Variants in GK observed in about 807,000 individuals in gnomAD.
GK encodes the protein ATP:glycerol 3-phosphotransferase.
GK carries 9 observed loss-of-function variants against 56.4 expected under a neutral mutation model. The ratio of observed to expected loss-of-function variants is 0.16; its 90% confidence interval spans 0.10 to 0.28. GK has a LOEUF of 0.28. Ranked by LOEUF, GK falls within the 10% of genes least tolerant of loss-of-function variation. The probability of loss-of-function intolerance (pLI) is 1.00; values close to 1 mark genes in which losing one functional copy is unlikely to be tolerated. For missense variants in GK, 161 were observed against 431.4 expected (o/e 0.37, Z 5.55); for synonymous variants, 104 against 144.1 (o/e 0.72, Z 1.99).
intron 4 of GK, chrX:30,677,843 A>G (rs1601892310): frequency 9.3e-6 from 3 of 323,898 alleles, no homozygotes; most frequent in East Asian, 1.0e-4. Context: ...AAAAAGAAAG[A>G]AAAAAAAAAA....
chrX:30,667,329 T>C (rs1490111984), intron 2 of GK, among the ~76,000 whole-genome samples: 1 of 111,051 alleles, frequency 9.0e-6, no homozygotes, highest in Non-Finnish European at 1.9e-5. Flanking sequence ...ATTTCTACTT[T>C]TGGACTTCCT....
intron 4 of GK, among the ~76,000 whole-genome samples, chrX:30,689,177 C>T (rs1384071769): frequency 8.9e-6 from 1 of 112,076 alleles, no homozygotes; most frequent in Non-Finnish European, 1.9e-5. Context: ...GTTAATTTTA[C>T]CTATCATAGA....
In GK at chrX:30,676,086, A is replaced by G. The variant is rs1322822732; in HGVS notation, c.260-1289A>G. On this transcript the variant is annotated intron_variant, in intron 3 of 20. Coordinates refer to ENST00000427190, the MANE Select transcript of GK (RefSeq NM_001205019.2). ...GATTACAGGTGCAAGCCACCACGCC[A>G]GGCCATCTGGCTAATTTTTAAAAAT... 7.2e-5 allele frequency among the ~76,000 whole-genome samples: 8 copies of G among 111,787 alleles called. No homozygotes were observed. The East Asian group carries it at 8.5e-4, about 12-fold the overall frequency.
rs1378367129 is a variant in GK, at chrX:30,699,309, T to TACAACATGTTATAC, written c.748-1104_748-1103insCAACATGTTATACA. On this transcript the variant is annotated intron_variant, in intron 9 of 20. Coordinates refer to ENST00000427190, the MANE Select transcript of GK (RefSeq NM_001205019.2). ...ACATGTTATACATAACATGTATATATATAACATGTTATATATATATATACA... is the reference window on the plus strand; with the variant it reads ...ACATGTTATACATAACATGTATATATACAACATGTTATACATAACATGTTATATATATATATACA... Among the ~76,000 whole-genome samples the TACAACATGTTATAC allele has an allele frequency of 4.1e-4, 22 of 53,366 alleles. No individual in the cohort carries two copies. In the South Asian group the frequency reaches 6.9e-3, roughly 17 times the overall value. The allele number at this position is 53,366 out of a possible 115,157, so 46.3% of individuals were successfully genotyped here.
intron 3 of GK, among the ~76,000 whole-genome samples, chrX:30,671,305 A>C (rs753567331): frequency 1.3e-4 from 14 of 108,423 alleles, no homozygotes; most frequent in South Asian, 7.9e-4. Context: ...AAAAAAAAAA[A>C]AAAAAAAAAA....
intron 4 of GK, chrX:30,687,585 C>T (rs1233988557): frequency 5.9e-6 from 2 of 340,134 alleles, no homozygotes; most frequent in Non-Finnish European, 1.2e-5. Context: ...TTCCCTCTGG[C>T]TCTTCAGTTC....
intron 9 of GK, among the ~76,000 whole-genome samples, chrX:30,699,205 T>TTA (rs1935430408): frequency 2.0e-5 from 2 of 101,313 alleles, no homozygotes; most frequent in East Asian, 3.0e-4. Flanking sequence ...TATATATATG[T>TTA]TATATATATA....
intron 19 of GK, among the ~76,000 whole-genome samples, chrX:30,726,216 T>C (rs1178488673): frequency 8.9e-6 from 1 of 111,997 alleles, no homozygotes; most frequent in East Asian, 2.8e-4. Flanking sequence ...ATTTGATCTT[T>C]TGAGAGTTTT....
At chrX:30,660,470 G>A (rs916052117) in intron 1 of GK, among the ~76,000 whole-genome samples, 2 of 110,711 alleles carry the variant, frequency 1.8e-5, no homozygotes, top group African/African-American at 6.6e-5. Context: ...TATTAGTGGT[G>A]GTGGGAGTAG....
At chrX:30,702,529 C>T (rs1201934990) in intron 11 of GK, among the ~76,000 whole-genome samples, 1 of 111,927 alleles carries the variant, frequency 8.9e-6, no homozygotes, top group Non-Finnish European at 1.9e-5. Flanking sequence ...CATATAGATC[C>T]TATTATTCCC....
chrX:30,706,642 C>T (rs1195017122), intron 11 of GK, among the ~76,000 whole-genome samples: 3 of 112,432 alleles, frequency 2.7e-5, no homozygotes, highest in Non-Finnish European at 3.8e-5. Flanking sequence ...GCCAGACTTG[C>T]TGCAGAATCC....
Position 30,718,529 on chromosome X carries a change from T to C in GK, c.976-9T>C. The stretch of plus-strand genomic sequence containing the variant: ...ATATATTCTGTCTTGAATTCCTTTT[T>C]TTCTTTAGGGTTCTGTAGCTATAGC... On this transcript the variant is annotated splice_polypyrimidine_tract_variant and intron_variant, in intron 13 of 20. Transcript: ENST00000427190. 1.7e-6 allele frequency: 2 copies of C among 1,159,774 alleles called. No individual in the cohort carries two copies. Among genetic ancestry groups the C allele is most frequent in the South Asian group, 1.8e-5 (1 of 55,775 alleles).
At chrX:30,722,401 A>G (rs1383792972) in intron 18 of GK, among the ~76,000 whole-genome samples, 1 of 112,128 alleles carries the variant, frequency 8.9e-6, no homozygotes, top group African/African-American at 3.2e-5. Flanking sequence ...GAGCGGGTAT[A>G]TGGCCTCTAA....
intron 8 of GK, 38 bp from the exon 9 acceptor site, chrX:30,697,694 A>T (rs940212768): frequency 2.0e-6 from 2 of 1,019,048 alleles, no homozygotes; most frequent in East Asian, 6.1e-5. Flanking sequence ...TTAAAATATT[A>T]TGCTTCTATC....
chrX:30,702,692 AG>A (rs1935754708), intron 11 of GK, among the ~76,000 whole-genome samples: 7 of 112,541 alleles, frequency 6.2e-5, no homozygotes, highest in Admixed American at 4.7e-4. Context: ...TGTATGGAAA[AG>A]ATTTCCATAT....
At chrX:30,714,701 C>T (rs1936520968) in intron 13 of GK, among the ~76,000 whole-genome samples, 1 of 111,977 alleles carries the variant, frequency 8.9e-6, no homozygotes, top group African/African-American at 3.2e-5. Flanking sequence ...GATATCACCA[C>T]GCTCAAGAGG....
At chrX:30,661,514 A>G (rs200908682) in intron 1 of GK, among the ~76,000 whole-genome samples, 1 of 78,303 alleles carries the variant, frequency 1.3e-5, no homozygotes, top group Non-Finnish European at 2.8e-5. Flanking sequence ...TTTCTCATCA[A>G]CAAGTACTGT....
chrX:30,707,906 C>T (rs1936101652), intron 12 of GK, 148 bp from the exon 13 acceptor site: 5 of 465,980 alleles, frequency 1.1e-5, no homozygotes, highest in Admixed American at 3.8e-5. Flanking sequence ...GTTCTTAATT[C>T]TGATCGTTTT....
intron 18 of GK, chrX:30,721,525 C>G (rs1455003283): frequency 8.6e-6 from 1 of 116,239 alleles, no homozygotes; most frequent in East Asian, 2.6e-4. Context: ...AGGATGGTCT[C>G]GATCTCCTGA....
Sources: gnomAD v4.1 joint callset for allele counts (sites outside exome capture counted in the v4.1 genomes callset) on GRCh38, gnomAD v4.1.1 for gene constraint, MANE v1.5 for transcripts, NCBI Gene and HGNC (gene_info 2026-07-23, HGNC 2026-07-21) for gene names.